The following CFAP47 variants were observed in gnomAD, a reference collection of about 807,000 sequenced individuals.
CFAP47 encodes cilia- and flagella-associated protein 47.
CFAP47 carries 29 observed loss-of-function variants against 148.1 expected under a neutral mutation model. The ratio of observed to expected loss-of-function variants is 0.20; its 90% CI spans 0.15 to 0.27. The LOEUF is 0.27. CFAP47 is among the 10% of genes least tolerant of loss of function. CFAP47 has a pLI of 1.00. For synonymous variants in CFAP47, 664 were observed against 577.3 expected (o/e 1.15, Z -2.15); for missense variants, 1,872 against 1,697.5 (o/e 1.10, Z -1.81).
chrX:35,968,639 A>G (rs1000227455), intron 10 of CFAP47, among the ~76,000 whole-genome samples: 6 of 111,103 alleles, frequency 5.4e-5, no homozygotes, highest in Non-Finnish European at 9.4e-5. Flanking sequence ...TTCTGCAGAC[A>G]TTTTCTTGCA....
intron 62 of CFAP47, among the ~76,000 whole-genome samples, chrX:36,373,397 C>T (rs1941990739): frequency 9.0e-6 from 1 of 110,815 alleles, no homozygotes; most frequent in East Asian, 2.8e-4. Context: ...CCATCAATGT[C>T]AGTGTTACTG....
At chrX:36,383,589 T>A (rs1376482993) in intron 63 of CFAP47, among the ~76,000 whole-genome samples, 1 of 111,887 alleles carries the variant, frequency 8.9e-6, no homozygotes, top group East Asian at 2.8e-4. Flanking sequence ...TGCTCCTTGG[T>A]TTGGTCCACT....
At chrX:36,143,927 C>T (rs1195135500) in intron 35 of CFAP47, among the ~76,000 whole-genome samples, 1 of 111,256 alleles carries the variant, frequency 9.0e-6, no homozygotes, top group African/African-American at 3.3e-5. Flanking sequence ...AAGTCCCTCA[C>T]CCTGCCGTCT....
chrX:36,009,024 C>A (rs1447885568), intron 21 of CFAP47, among the ~76,000 whole-genome samples: 1 of 110,620 alleles, frequency 9.0e-6, no homozygotes, highest in Non-Finnish European at 1.9e-5. Context: ...CCTCACACTT[C>A]CTTTTTCTTC....
chrX:36,223,127 T>C (rs1320331431), intron 45 of CFAP47, among the ~76,000 whole-genome samples: 1 of 111,518 alleles, frequency 9.0e-6, no homozygotes, highest in Non-Finnish European at 1.9e-5. Context: ...GCCATGATTG[T>C]AAGTTTCCTG....
chrX:35,923,658 A>C (rs1475767776), intron 1 of CFAP47, among the ~76,000 whole-genome samples: 1 of 109,237 alleles, frequency 9.2e-6, no homozygotes, highest in African/African-American at 3.3e-5. Context: ...CGTCTCTATT[A>C]AAAATACAGA....
rs1376977078 is a variant in CFAP47, at chrX:36,095,261, T to G, written c.4917-3532T>G. Among the ~76,000 whole-genome samples the G allele has an allele frequency of 2.7e-5, 3 of 111,861 alleles. No homozygotes were observed. In the Admixed American group the frequency reaches 2.8e-4, roughly 11 times the overall value. On this transcript the variant is annotated intron_variant, in intron 30 of 63. Coordinates refer to ENST00000378653, the MANE Select transcript of CFAP47 (RefSeq NM_001304548.2). ...TCTCACCTGGTCATGATTAATGATC[T>G]TTTTACTGTATTGCTGAATTTGGTT...
At chrX:36,146,286 G>A (rs939183398) in intron 36 of CFAP47, among the ~76,000 whole-genome samples, 1 of 111,515 alleles carries the variant, frequency 9.0e-6, no homozygotes, top group South Asian at 3.7e-4. Context: ...CTACATGATT[G>A]TATTCCTTCA....
intron 29 of CFAP47, among the ~76,000 whole-genome samples, chrX:36,084,386 T>C (rs1196094602): frequency 1.8e-5 from 2 of 111,784 alleles, no homozygotes; most frequent in East Asian, 5.6e-4. Flanking sequence ...ATGAAGAAAC[T>C]AAGGAACAGA....
At position 35,941,362 on chromosome X, in the gene CFAP47, A is replaced by G; in HGVS notation, c.481A>G (p.Lys161Glu). The part of the protein sequence containing the change: ...TLVANSKVYS[K>E]EITITNHGKA... Reference sequence around the variant, plus strand: ...GGTTGCCAATAGTAAAGTATATTCTAAAGAGATTACTATCACTAACCATGG... The same window carrying G: ...GGTTGCCAATAGTAAAGTATATTCTGAAGAGATTACTATCACTAACCATGG... The change falls in exon 3 of 64, where the codon AAA becomes GAA. Residue 161 changes from lysine to glutamate, a missense_variant. Coordinates refer to ENST00000378653, the MANE Select transcript of CFAP47 (RefSeq NM_001304548.2). 1.7e-6 allele frequency: 2 copies of G among 1,143,142 alleles called. No individual in the cohort carries two copies. The highest frequency in any genetic ancestry group is 2.1e-5 in the South Asian group (1 of 48,666). The allele number at this position is 1,143,142 out of a possible 1,213,427, so 94.2% of individuals were successfully genotyped here.
intron 1 of CFAP47, among the ~76,000 whole-genome samples, chrX:35,924,250 T>C (rs866365062): frequency 2.2e-5 from 2 of 92,655 alleles, no homozygotes; most frequent in African/African-American, 5.0e-5. Flanking sequence ...TATGTGTGCA[T>C]ATGGACATGT....
At chrX:35,931,737 A>G (rs1266854406) in intron 2 of CFAP47, among the ~76,000 whole-genome samples, 2 of 111,607 alleles carry the variant, frequency 1.8e-5, no homozygotes, top group Non-Finnish European at 3.8e-5. Context: ...ATATGCATAC[A>G]TGATATAATA....
intron 24 of CFAP47, among the ~76,000 whole-genome samples, chrX:36,037,490 G>T (rs1242823556): frequency 9.0e-6 from 1 of 110,694 alleles, no homozygotes; most frequent in Non-Finnish European, 1.9e-5. Flanking sequence ...AGGCTCCCGA[G>T]TAGCTGGGAC....
intron 7 of CFAP47, among the ~76,000 whole-genome samples, chrX:35,955,214 T>A (rs1262101255): frequency 2.7e-5 from 3 of 112,012 alleles, no homozygotes; most frequent in Admixed American, 9.5e-5. Context: ...AACTCCTGAT[T>A]TTTCCACAAC....
At chrX:36,272,768 G>T (rs1457298450) in intron 49 of CFAP47, among the ~76,000 whole-genome samples, 1 of 111,286 alleles carries the variant, frequency 9.0e-6, no homozygotes, top group East Asian at 2.8e-4. Context: ...AGCTTATGTT[G>T]AGAAATAAAA....
At chrX:35,941,485 T>C in intron 3 of CFAP47, 87 bp downstream of exon 3, 1 of 480,249 alleles carries the variant, frequency 2.1e-6, no homozygotes, top group East Asian at 4.2e-5. Context: ...ATTACCTAAT[T>C]TAACTGAAAA....
At chrX:36,320,153 AC>A (rs1383148007) in intron 57 of CFAP47, among the ~76,000 whole-genome samples, 1 of 111,163 alleles carries the variant, frequency 9.0e-6, no homozygotes, top group Non-Finnish European at 1.9e-5. Flanking sequence ...TATATTAACC[AC>A]CCCACCTGTG....
chrX:36,227,946 G>A (rs1301575212), intron 45 of CFAP47, among the ~76,000 whole-genome samples: 2 of 112,000 alleles, frequency 1.8e-5, no homozygotes, highest in Non-Finnish European at 3.8e-5. Context: ...AGAATAGATA[G>A]CTCAACCTAG....
At position 36,173,683 on chromosome X, in the gene CFAP47, A is replaced by G. The variant is rs765922836; in HGVS notation, c.6027-5662A>G. On this transcript the variant is annotated intron_variant, in intron 39 of 63. Transcript: ENST00000378653. ...TGGGAGACAGTTTGTTATAATTTCT[A>G]TTCTTTTACATTTGCTGAGGAGAGC... 3.1e-4 allele frequency among the ~76,000 whole-genome samples: 34 copies of G among 111,369 alleles called. No homozygotes were observed. The South Asian group carries it at 0.011, about 36-fold the overall frequency.
Sources: allele counts gnomAD v4.1 joint callset (sites outside exome capture counted in the v4.1 genomes callset), GRCh38; gene constraint gnomAD v4.1.1; transcripts MANE v1.5; gene names NCBI Gene and HGNC (gene_info 2026-07-23, HGNC 2026-07-21).